The following ANKHD1 variants were observed in gnomAD, a reference collection of about 807,000 sequenced individuals.
The protein encoded by ANKHD1 is ankyrin repeat and KH domain-containing protein 1.
In ANKHD1, 31 loss-of-function variants were observed where a neutral mutation model predicts 230.5. The ratio of observed to expected loss-of-function variants is 0.13; its 90% CI spans 0.10 to 0.18. ANKHD1 has a LOEUF of 0.18. ANKHD1 is among the 10% of genes least tolerant of loss of function. The probability of loss-of-function intolerance (pLI) is 1.00; values close to 1 mark genes in which losing one functional copy is unlikely to be tolerated. For synonymous variants in ANKHD1, 1,074 were observed against 1,117.6 expected, an observed-to-expected ratio of 0.96 and a Z score of 0.78; for missense variants, 2,256 against 3,071.3, an observed-to-expected ratio of 0.73 and a Z score of 6.27.
At chr5:140,484,578 C>A (rs1289833512) in intron 11 of ANKHD1, among the ~76,000 whole-genome samples, 1 of 152,120 alleles carries the variant, frequency 6.6e-6, no homozygotes, top group Admixed American at 6.5e-5. Flanking sequence ...TATATTGCCA[C>A]TTTCTAGTAG....
At chr5:140,508,345 T>G (rs1489925094) in intron 20 of ANKHD1, among the ~76,000 whole-genome samples, 2 of 152,218 alleles carry the variant, frequency 1.3e-5, no homozygotes, top group Non-Finnish European at 2.9e-5. Flanking sequence ...TGCTTATCAT[T>G]GTAAAAATCC....
intron 24 of ANKHD1, among the ~76,000 whole-genome samples, chr5:140,519,847 C>G (rs1753233686): frequency 6.6e-6 from 1 of 151,938 alleles, no homozygotes; most frequent in East Asian, 1.9e-4. Flanking sequence ...CTAGGCATTA[C>G]CATTCAGGAC....
Position 140,485,345 on chromosome 5 carries a change from C to T in ANKHD1, c.1998+97C>T. ...GCTGAGGCGGGTGGATCACTTGAGC[C>T]CAGGAGTTTGAGACTAGTCTAGGCA... On this transcript the variant is annotated intron_variant, in intron 12 of 33. Coordinates refer to ENST00000360839, the MANE Select transcript of ANKHD1 (RefSeq NM_017747.3). The surrounding 1 kb of genome is among the most constrained non-coding windows in gnomAD (Gnocchi z 4.8). 2.8e-6 allele frequency: 4 copies of T among 1,451,126 alleles called. No individual in the cohort carries two copies. The highest frequency in any genetic ancestry group is 3.6e-6 in the Non-Finnish European group (4 of 1,100,614). The allele number at this position is 1,451,126 out of a possible 1,614,324, so 89.9% of individuals were successfully genotyped here. A position where few individuals can be genotyped will look rare whatever the true frequency, so the allele number is the denominator to read the frequency against.
At chr5:140,522,783 C>T (rs1753411402) in intron 24 of ANKHD1, among the ~76,000 whole-genome samples, 1 of 152,142 alleles carries the variant, frequency 6.6e-6, no homozygotes, top group African/African-American at 2.4e-5. Context: ...ATTTTACATT[C>T]CTACCTGCAG....
intron 10 of ANKHD1, among the ~76,000 whole-genome samples, chr5:140,475,105 T>A (rs1422857571): frequency 2.0e-5 from 3 of 152,238 alleles, no homozygotes; most frequent in African/African-American, 7.2e-5. Flanking sequence ...TATGTTATTG[T>A]GTATTGAATG....
In ANKHD1 at chr5:140,477,327, C is replaced by G. The variant is rs1016497451; in HGVS notation, c.1783-5253C>G. Among the ~76,000 whole-genome samples the G allele has an allele frequency of 1.6e-4, 24 of 152,098 alleles. 1 individual carries two copies. Among genetic ancestry groups the G allele is most frequent in the Non-Finnish European group, 5.9e-5 (4 of 68,008 alleles). On this transcript the variant is annotated intron_variant, in intron 10 of 33. Transcript: ENST00000360839. The stretch of plus-strand genomic sequence containing the variant: ...GTAGTGGTAGGATTTTTTTCACACA[C>G]TTCTCAATGAAACTGATGAATCAAA...
intron 33 of ANKHD1, 118 bp downstream of exon 33, chr5:140,539,201 CT>C: frequency 6.6e-7 from 1 of 1,512,178 alleles, no homozygotes; most frequent in Non-Finnish European, 8.8e-7. Flanking sequence ...ATCTGGATTG[CT>C]TTTTCAATAT....
intron 1 of ANKHD1, among the ~76,000 whole-genome samples, chr5:140,430,654 T>C (rs1483630133): frequency 7.4e-5 from 2 of 27,048 alleles, no homozygotes; most frequent in Middle Eastern, 0.028. Context: ...GTTTCCATCT[T>C]TTTTTTTTTT....
At chr5:140,443,469 T>C (rs1774027006) in intron 5 of ANKHD1, among the ~76,000 whole-genome samples, 1 of 151,444 alleles carries the variant, frequency 6.6e-6, no homozygotes, top group African/African-American at 2.4e-5. Context: ...GGTGGGAGGA[T>C]CACGAGGTCA....
intron 1 of ANKHD1, among the ~76,000 whole-genome samples, chr5:140,415,638 A>G (rs1220587145): frequency 1.3e-5 from 2 of 151,384 alleles, no homozygotes; most frequent in Non-Finnish European, 1.5e-5. Flanking sequence ...GGGGTTTGCC[A>G]TGTTGGCCAG....
At chr5:140,444,316 T>A (rs117905841) in intron 5 of ANKHD1, among the ~76,000 whole-genome samples, 1 of 152,222 alleles carries the variant, frequency 6.6e-6, no homozygotes, top group African/African-American at 2.4e-5. Context: ...TTGCATCATC[T>A]TCTCACCAAT....
chr5:140,484,385 C>A (rs2127016820), intron 11 of ANKHD1, among the ~76,000 whole-genome samples: 1 of 152,292 alleles, frequency 6.6e-6, no homozygotes, highest in East Asian at 1.9e-4. Flanking sequence ...TGCATTTAGA[C>A]ATTTTTCAGG....
At chr5:140,457,237 C>T (rs1249454329) in intron 7 of ANKHD1, among the ~76,000 whole-genome samples, 1 of 152,206 alleles carries the variant, frequency 6.6e-6, no homozygotes, top group African/African-American at 2.4e-5. Context: ...GAAATAGGAA[C>T]ACTTTTACAC....
Position 140,526,423 on chromosome 5 carries a change from T to A in ANKHD1, c.4920T>A (p.Ala1640=). 1 of 1,610,752 alleles carries A rather than the reference T, an allele frequency of 6.2e-7. No homozygotes were observed. The highest frequency in any genetic ancestry group is 8.5e-7 in the Non-Finnish European group (1 of 1,178,604). ...CCCAAGAAGAAAAGACAAGTACTGC[T>A]ACTTCCAAAACTCAGACACGGTAAA... The part of the protein sequence containing the change: ...LHSQEEKTST[A]TSKTQTRLEG... Residue 1640 remains alanine, a synonymous_variant, in exon 26 of 34, where the codon GCT becomes GCA. Transcript: ENST00000360839.
At chr5:140,405,864 C>T (rs989058408) in intron 1 of ANKHD1, among the ~76,000 whole-genome samples, 1 of 152,106 alleles carries the variant, frequency 6.6e-6, no homozygotes, top group Non-Finnish European at 1.5e-5. Context: ...AACTTCTGGC[C>T]TCAAGTGATT....
At chr5:140,465,745 G>A (rs1776036545) in intron 10 of ANKHD1, among the ~76,000 whole-genome samples, 1 of 152,052 alleles carries the variant, frequency 6.6e-6, no homozygotes, top group African/African-American at 2.4e-5. Context: ...ACAAAATATT[G>A]TAATGAAAAC....
intron 7 of ANKHD1, among the ~76,000 whole-genome samples, chr5:140,457,566 A>T (rs1775299976): frequency 6.6e-6 from 1 of 152,170 alleles, no homozygotes; most frequent in African/African-American, 2.4e-5. Flanking sequence ...GACATGGATG[A>T]AGCTGGAAAC....
At chr5:140,426,161 G>A (rs968381184) in intron 1 of ANKHD1, among the ~76,000 whole-genome samples, 1 of 151,994 alleles carries the variant, frequency 6.6e-6, no homozygotes, top group African/African-American at 2.4e-5. Context: ...ACAGAGTCTC[G>A]CTCTGCCGCC....
At chr5:140,514,025 A>G (rs1460350912) in intron 24 of ANKHD1, among the ~76,000 whole-genome samples, 2 of 149,360 alleles carry the variant, frequency 1.3e-5, no homozygotes, top group Admixed American at 6.7e-5. Flanking sequence ...CTACAAAAAA[A>G]AGTTTAAAAA....
Sources: gnomAD v4.1 joint callset for allele counts (sites outside exome capture counted in the v4.1 genomes callset) on GRCh38, gnomAD v4.1.1 for gene constraint, Gnocchi (gnomAD v3.1) non-coding constraint, MANE v1.5 for transcripts, NCBI Gene and HGNC (gene_info 2026-07-23, HGNC 2026-07-21) for gene names.